Variants in KCND3 observed in about 807,000 individuals in gnomAD.
KCND3 encodes the protein A-type voltage-gated potassium channel KCND3.
In KCND3, 9 loss-of-function variants were observed where a neutral mutation model predicts 51.1. The ratio of observed to expected loss-of-function variants is 0.18; its 90% CI spans 0.11 to 0.31. The LOEUF (loss-of-function observed/expected upper bound fraction) is 0.31, where lower values mean the gene tolerates loss of function less well. Ranked by LOEUF, KCND3 falls within the 10% of genes least tolerant of loss-of-function variation. The pLI is 1.00. For missense variants in KCND3, 526 were observed against 903.8 expected, an observed-to-expected ratio of 0.58 and a Z score of 5.36; for synonymous variants, 349 against 368.0, an observed-to-expected ratio of 0.95 and a Z score of 0.59.
intron 2 of KCND3, among the ~76,000 whole-genome samples, chr1:111,866,579 AACACACACACAC>A (rs771342858): frequency 5.2e-4 from 66 of 126,742 alleles, no homozygotes; most frequent in African/African-American, 1.6e-3. Context: ...TGTTTCTTTA[AACACACACACAC>A]ACACACACAC....
At chr1:111,821,369 G>T (rs1299582977) in intron 2 of KCND3, among the ~76,000 whole-genome samples, 2 of 152,228 alleles carry the variant, frequency 1.3e-5, no homozygotes, top group Non-Finnish European at 2.9e-5. Flanking sequence ...ACCTGGAAAT[G>T]CAGCTGGTGT....
At chr1:111,937,227 G>A (rs1312131932) in intron 2 of KCND3, among the ~76,000 whole-genome samples, 1 of 152,138 alleles carries the variant, frequency 6.6e-6, no homozygotes, top group Non-Finnish European at 1.5e-5. Flanking sequence ...GAAAGCATGA[G>A]TCCATCATGG....
At chr1:111,829,152 A>C (rs1392309068) in intron 2 of KCND3, among the ~76,000 whole-genome samples, 1 of 152,230 alleles carries the variant, frequency 6.6e-6, no homozygotes, top group East Asian at 1.9e-4. Flanking sequence ...ATGGTCACGA[A>C]ATTGGAAACT....
chr1:111,971,980 G>C (rs1674352022), intron 2 of KCND3, among the ~76,000 whole-genome samples: 1 of 152,034 alleles, frequency 6.6e-6, no homozygotes, highest in African/African-American at 2.4e-5. Context: ...TGTGTCCAAG[G>C]GTTCCCTTCC....
At chr1:111,931,631 C>T (rs535071321) in intron 2 of KCND3, among the ~76,000 whole-genome samples, 27 of 152,258 alleles carry the variant, frequency 1.8e-4, no homozygotes, top group Middle Eastern at 3.4e-3. Context: ...TGGAGTAAGA[C>T]GGTAACTACT....
chr1:111,981,612 C>A lies in KCND3; in HGVS notation c.1106+9G>T, dbSNP rs1248858399. On this transcript the variant is annotated intron_variant, in intron 2 of 7. Coordinates refer to ENST00000302127, the MANE Select transcript of KCND3 (RefSeq NM_001378969.1). The surrounding 1 kb of genome is among the most constrained non-coding windows in gnomAD (Gnocchi z 6.2). ...TCCGTCCTGGTTTCATCCACCAGCG[C>A]TGACTTACCCCAGTGTGGTCATGGT... The A allele has an allele frequency of 2.5e-6, 4 of 1,614,170 alleles. No individual in the cohort carries two copies. The highest frequency in any genetic ancestry group is 2.5e-6 in the Non-Finnish European group (3 of 1,180,018).
chr1:111,961,674 G>A (rs1483959242), intron 2 of KCND3, among the ~76,000 whole-genome samples: 1 of 152,176 alleles, frequency 6.6e-6, no homozygotes, highest in African/African-American at 2.4e-5. Context: ...ACTGACCTAG[G>A]GAACTGGGTA....
intron 2 of KCND3, among the ~76,000 whole-genome samples, chr1:111,971,102 G>A (rs559517070): frequency 5.1e-4 from 77 of 152,274 alleles, no homozygotes; most frequent in African/African-American, 1.4e-3. Flanking sequence ...TGTCACCCAC[G>A]AAGGTAGTAC....
chr1:111,803,367 C>T, intron 2 of KCND3, among the ~76,000 whole-genome samples: 1 of 152,204 alleles, frequency 6.6e-6, no homozygotes, highest in East Asian at 1.9e-4. Flanking sequence ...CAGTCTCTGC[C>T]TCTCTCAGAT....
chr1:111,859,977 A>T (rs1386713677), intron 2 of KCND3, among the ~76,000 whole-genome samples: 1 of 152,222 alleles, frequency 6.6e-6, no homozygotes, highest in East Asian at 1.9e-4. Context: ...TTTGGGAAGG[A>T]ATCTTCTGCA....
chr1:111,950,473 C>G (rs1673006692), intron 2 of KCND3, among the ~76,000 whole-genome samples: 1 of 152,158 alleles, frequency 6.6e-6, no homozygotes, highest in Non-Finnish European at 1.5e-5. Context: ...GTGCTCTCCC[C>G]TCGATCCAGC....
chr1:111,850,497 T>C (rs1667764812), intron 2 of KCND3, among the ~76,000 whole-genome samples: 1 of 152,120 alleles, frequency 6.6e-6, no homozygotes, highest in Admixed American at 6.5e-5. Flanking sequence ...GTGAACAATA[T>C]AGGGATATTT....
chr1:111,900,814 G>A (rs1284280488), intron 2 of KCND3, among the ~76,000 whole-genome samples: 7 of 152,062 alleles, frequency 4.6e-5, no homozygotes, highest in East Asian at 1.9e-4. Flanking sequence ...AAAATTAGCC[G>A]GGTGTGGTGG....
intron 2 of KCND3, among the ~76,000 whole-genome samples, chr1:111,803,688 A>G (rs1386941922): frequency 6.6e-6 from 1 of 152,218 alleles, no homozygotes; most frequent in East Asian, 1.9e-4. Flanking sequence ...ATACTCTGGG[A>G]AAAAATGAAA....
At chr1:111,813,153 G>C (rs959749695) in intron 2 of KCND3, among the ~76,000 whole-genome samples, 4 of 152,058 alleles carry the variant, frequency 2.6e-5, no homozygotes, top group Admixed American at 6.5e-5. Context: ...TGGGAGTGGG[G>C]GTATGGGAAG....
intron 2 of KCND3, among the ~76,000 whole-genome samples, chr1:111,914,930 C>A (rs1350601124): frequency 1.3e-5 from 2 of 152,194 alleles, no homozygotes; most frequent in East Asian, 3.9e-4. Context: ...CAAAAATTTT[C>A]ACTGTATTGT....
chr1:111,850,474 C>A (rs1265575407), intron 2 of KCND3, among the ~76,000 whole-genome samples: 1 of 152,136 alleles, frequency 6.6e-6, no homozygotes, highest in Admixed American at 6.5e-5. Context: ...CCACAGTGGA[C>A]CCTCCTTTCC....
At chr1:111,864,588 A>T (rs1668472362) in intron 2 of KCND3, among the ~76,000 whole-genome samples, 1 of 152,172 alleles carries the variant, frequency 6.6e-6, no homozygotes, top group South Asian at 2.1e-4. Context: ...TAGCTTGAAA[A>T]TATTTGCCTA....
At chr1:111,904,769 G>C (rs1388101542) in intron 2 of KCND3, among the ~76,000 whole-genome samples, 1 of 152,192 alleles carries the variant, frequency 6.6e-6, no homozygotes, top group Non-Finnish European at 1.5e-5. Context: ...GGCTCTGATA[G>C]AGCCCTGACA....
Sources: allele counts gnomAD v4.1 joint callset (sites outside exome capture counted in the v4.1 genomes callset), GRCh38; gene constraint gnomAD v4.1.1; non-coding constraint Gnocchi (gnomAD v3.1); transcripts MANE v1.5; gene names NCBI Gene and HGNC (gene_info 2026-07-23, HGNC 2026-07-21).